The following ANGPTL2 variants were observed in gnomAD, a reference collection of about 807,000 sequenced individuals.
ANGPTL2 encodes the protein angiopoietin like 2.
Under a neutral mutation model 52.8 loss-of-function variants are expected in ANGPTL2, and 25 were observed. The observed-to-expected ratio is 0.47, with a 90% CI of 0.35 to 0.66. The LOEUF is 0.66. ANGPTL2 is among the 30% of genes least tolerant of loss of function. The pLI is 0.01. For synonymous variants in ANGPTL2, 276 were observed against 277.4 expected, an observed-to-expected ratio of 1.00 and a Z score of 0.05; for missense variants, 546 against 656.9, an observed-to-expected ratio of 0.83 and a Z score of 1.84.
chr9:127,104,854 A>G (rs2054066761), intron 2 of ANGPTL2, among the ~76,000 whole-genome samples: 1 of 152,160 alleles, frequency 6.6e-6, no homozygotes, highest in Admixed American at 6.5e-5. Context: ...TGGCTAAGTG[A>G]TGTCCCTAAG....
Position 127,117,658 on chromosome 9 carries a change from T to C in ANGPTL2, c.-50+4657A>G, listed in dbSNP as rs577052903. 9.2e-5 allele frequency among the ~76,000 whole-genome samples: 14 copies of C among 152,246 alleles called. No individual in the cohort carries two copies. In the East Asian group the frequency reaches 2.5e-3, roughly 27 times the overall value. On this transcript the variant is annotated intron_variant, in intron 1 of 4. Coordinates refer to ENST00000373425, the MANE Select transcript of ANGPTL2 (RefSeq NM_012098.3). ...AGAGGAATGGTGTGGCACCCTGGGG[T>C]AGAGAAGCTTGTTTGCTTGAGAGCC...
intron 1 of ANGPTL2, among the ~76,000 whole-genome samples, chr9:127,116,263 CT>C (rs889490096): frequency 1.3e-5 from 2 of 151,928 alleles, no homozygotes; most frequent in African/African-American, 4.8e-5. Flanking sequence ...GAATTGCTGG[CT>C]CCAGGAAGAG....
chr9:127,108,053 G>T lies in ANGPTL2; in HGVS notation c.679C>A (p.Pro227Thr). The change falls in exon 2 of 5, where the codon CCA (proline) becomes ACA (threonine). Residue 227 changes from proline to threonine, a missense_variant. Coordinates refer to ENST00000373425, the MANE Select transcript of ANGPTL2 (RefSeq NM_012098.3). The stretch of plus-strand genomic sequence containing the variant: ...TTGATGATGCGGTTGTAGGTGGGTG[G>T]TTGGTAGACCCGGGGCGGGGCAGCG... ...PPAAPPRVYQPPTYNRIINQI... is the reference protein window; with the variant it reads ...PPAAPPRVYQTPTYNRIINQI... 6.2e-7 allele frequency: 1 copy of T among 1,609,632 alleles called. No individual in the cohort carries two copies. Among genetic ancestry groups the T allele is most frequent in the Non-Finnish European group, 8.5e-7 (1 of 1,177,714 alleles).
chr9:127,105,451 C>T (rs1160251802), intron 2 of ANGPTL2, among the ~76,000 whole-genome samples: 1 of 152,200 alleles, frequency 6.6e-6, no homozygotes, highest in African/African-American at 2.4e-5. Context: ...TCATCTCCAT[C>T]AGGGACCCAC....
rs561384365 is a variant in ANGPTL2 at position 127,122,092 on chromosome 9, C to T, written c.-50+223G>A. 4.6e-5 allele frequency among the ~76,000 whole-genome samples: 7 copies of T among 152,322 alleles called. No individual in the cohort carries two copies. The highest frequency in any genetic ancestry group is 9.6e-5 in the African/African-American group (4 of 41,570). On this transcript the variant is annotated intron_variant, in intron 1 of 4. Transcript: ENST00000373425. This position sits in a 1 kb window ranked among gnomAD's most constrained non-coding sequence, Gnocchi z 6.4. ...GAGTGAGGCTTACTCATGAAGTCCT[C>T]GAGATGCCAGCCCATGATCATGTGC... is the stretch of plus-strand genomic sequence containing the variant.
Position 127,104,990 on chromosome 9 carries a change from G to C in ANGPTL2, c.817+2925C>G, listed in dbSNP as rs541395628. On this transcript the variant is annotated intron_variant, in intron 2 of 4. Coordinates refer to ENST00000373425, the MANE Select transcript of ANGPTL2 (RefSeq NM_012098.3). ...GCTCATTGGATGCCCTGACTGTTCC[G>C]TGCAGAGAGACCATCTGTTTTTTCC... is the stretch of plus-strand genomic sequence containing the variant. 3.9e-5 allele frequency among the ~76,000 whole-genome samples: 6 copies of C among 152,202 alleles called. No homozygotes were observed. In the South Asian group the frequency reaches 8.3e-4, roughly 21 times the overall value.
chr9:127,101,305 G>A (rs1342072321), intron 2 of ANGPTL2, among the ~76,000 whole-genome samples: 1 of 152,234 alleles, frequency 6.6e-6, no homozygotes. Flanking sequence ...TGACTGGAAA[G>A]TGGAGGATCT....
At position 127,108,373 on chromosome 9, in the gene ANGPTL2, A is replaced by T; in HGVS notation, c.359T>A (p.Val120Glu). Reference sequence around the variant, plus strand: ...GCGGCTCTCCTTGCGCAGCAGCTTCACCTCGCTCACAATGCCGCCGTCCAC... The same window carrying T: ...GCGGCTCTCCTTGCGCAGCAGCTTCTCCTCGCTCACAATGCCGCCGTCCAC... ...VEVDGGIVSE[V>E]KLLRKESRNM... is the part of the protein sequence containing the mutation. Residue 120 changes from valine (V) to glutamate (E), a missense_variant, in exon 2 of 5, where the codon GTG becomes GAG. Val to Glu is a moderately radical substitution (Grantham distance 121). Transcript: ENST00000373425. The T allele has an allele frequency of 6.2e-7, 1 of 1,609,448 alleles. No homozygotes were observed. The highest frequency in any genetic ancestry group is 8.5e-7 in the Non-Finnish European group (1 of 1,178,016).
intron 2 of ANGPTL2, among the ~76,000 whole-genome samples, chr9:127,095,337 G>T (rs1383291130): frequency 6.6e-6 from 1 of 152,212 alleles, no homozygotes; most frequent in Non-Finnish European, 1.5e-5. Context: ...GGTGGAGGTT[G>T]CAGTGAGCTG....
chr9:127,120,012 CAG>C (rs1266991337), intron 1 of ANGPTL2, among the ~76,000 whole-genome samples: 1 of 152,192 alleles, frequency 6.6e-6, no homozygotes, highest in Non-Finnish European at 1.5e-5. Context: ...ACTGGAACCT[CAG>C]GGGGCCACAG....
At chr9:127,100,656 C>T (rs1169143126) in intron 2 of ANGPTL2, among the ~76,000 whole-genome samples, 1 of 152,182 alleles carries the variant, frequency 6.6e-6, no homozygotes, top group East Asian at 1.9e-4. Flanking sequence ...GTTCCACAGG[C>T]ACACTAATGA....
intron 1 of ANGPTL2, among the ~76,000 whole-genome samples, chr9:127,109,074 C>G (rs375286026): frequency 2.0e-5 from 3 of 152,230 alleles, no homozygotes; most frequent in Non-Finnish European, 2.9e-5. Context: ...AGCCCCCTTG[C>G]TGAACTCCTG....
At position 127,108,740 on chromosome 9, in the gene ANGPTL2, C is replaced by T. The variant is rs751890933; in HGVS notation, c.-9G>A. On this transcript the variant is annotated 5_prime_UTR_variant, in exon 2 of 5. Transcript: ENST00000373425. ...ACGCACAGTGGCCTCATGGTCCTTG[C>T]AAAATGGTGGTTATTCTTTGTGAAT... The T allele has an allele frequency of 6.3e-7, 1 of 1,592,232 alleles. No homozygotes were observed. Among genetic ancestry groups the T allele is most frequent in the Non-Finnish European group, 8.6e-7 (1 of 1,166,628 alleles).
chr9:127,097,581 A>G (rs2053276265), intron 2 of ANGPTL2, among the ~76,000 whole-genome samples: 1 of 152,270 alleles, frequency 6.6e-6, no homozygotes, highest in Non-Finnish European at 1.5e-5. Flanking sequence ...AATTAGTCAG[A>G]AAAAGAGTTA....
chr9:127,118,204 G>A (rs1403594452), intron 1 of ANGPTL2, among the ~76,000 whole-genome samples: 1 of 152,170 alleles, frequency 6.6e-6, no homozygotes, highest in Non-Finnish European at 1.5e-5. Flanking sequence ...GGACCAAAAT[G>A]TGGCTTGTGA....
chr9:127,105,319 C>T (rs766100626), intron 2 of ANGPTL2, among the ~76,000 whole-genome samples: 19 of 152,172 alleles, frequency 1.2e-4, no homozygotes, highest in African/African-American at 2.9e-4. Context: ...AGACAAAAGA[C>T]GGGCGAGTGC....
rs886736286 is a variant in ANGPTL2, at chr9:127,107,953, G to A, written c.779C>T (p.Thr260Ile). 1.9e-6 allele frequency: 3 copies of A among 1,551,152 alleles called. No homozygotes were observed. Among genetic ancestry groups the A allele is most frequent in the African/African-American group, 2.7e-5 (2 of 73,604 alleles). The change falls in exon 2 of 5, where the codon ACT (threonine) becomes ATT (isoleucine). Residue 260 changes from threonine (T) to isoleucine (I), a missense_variant. Physicochemically the swap from Thr to Ile is moderately conservative, Grantham distance 89. This residue lies in a region of ANGPTL2 where 261 missense variants were observed against 361.0 expected (regional missense o/e 0.72). Transcript: ENST00000373425. The part of the protein sequence containing the change: ...VLPPPLPTMP[T>I]LTSLPSSTDK... ...GGTGGAAGATGGGAGGCTGGTGAGA[G>A]TGGGCATAGTGGGCAGAGGGGGTGG...
chr9:127,088,614 T>G lies in ANGPTL2; in HGVS notation c.*325A>C. ...ATACACATACGTGCACAAGGGAGGC[T>G]CATACACATGTATATTATGAAGGTA... On this transcript the variant is annotated 3_prime_UTR_variant, in exon 5 of 5. Transcript: ENST00000373425. 2 of 381,984 alleles carry G rather than the reference T, an allele frequency of 5.2e-6. No individual in the cohort carries two copies. The highest frequency in any genetic ancestry group is 5.9e-5 in the South Asian group (2 of 33,800). The allele number at this position is 381,984 out of a possible 1,614,324, so 23.7% of individuals were successfully genotyped here. A position where few individuals can be genotyped will look rare whatever the true frequency, so the allele number is the denominator to read the frequency against.
rs80116254 is a variant in ANGPTL2, at chr9:127,101,155, T to G, written c.817+6760A>C. ...AGTGTTCCCAAAATGCTTTGTATAT[T>G]TATCTCTACTGGAATAAGGTAAGAA... is the stretch of plus-strand genomic sequence containing the variant. On this transcript the variant is annotated intron_variant, in intron 2 of 4. Transcript: ENST00000373425. Among the ~76,000 whole-genome samples, 821 of 152,356 alleles carry G rather than the reference T, an allele frequency of 5.4e-3. 25 individuals carry two copies. The East Asian group carries it at 0.085, about 16-fold the overall frequency.
Sources: gnomAD v4.1 joint callset for allele counts (sites outside exome capture counted in the v4.1 genomes callset) on GRCh38, gnomAD v4.1.1 for gene constraint, gnomAD v4.1.1 regional missense constraint, Gnocchi (gnomAD v3.1) non-coding constraint, MANE v1.5 for transcripts, NCBI Gene and HGNC (gene_info 2026-07-23, HGNC 2026-07-21) for gene names.